GPHN: variants seen among roughly 807,000 people sequenced by gnomAD.
The protein encoded by GPHN is gephyrin.
In GPHN, 17 loss-of-function variants were observed where a neutral mutation model predicts 95.5. The observed-to-expected ratio is 0.18, with a 90% confidence interval of 0.12 to 0.27. GPHN has a LOEUF of 0.27. Ranked by LOEUF, GPHN falls within the 10% of genes least tolerant of loss-of-function variation. The pLI, the probability that GPHN is intolerant of heterozygous loss-of-function variation, is 1.00. For missense variants in GPHN, 660 were observed against 978.1 expected (o/e 0.67, Z 4.34); for synonymous variants, 320 against 322.5 (o/e 0.99, Z 0.08).
At chr14:66,979,270 A>G (rs1053088667) in intron 9 of GPHN, among the ~76,000 whole-genome samples, 3 of 152,210 alleles carry the variant, frequency 2.0e-5, no homozygotes, top group African/African-American at 4.8e-5. Context: ...CTCTCTAGCA[A>G]TGAAAGTCCT....
At chr14:66,914,194 T>A (rs1479311435) in intron 5 of GPHN, among the ~76,000 whole-genome samples, 1 of 152,156 alleles carries the variant, frequency 6.6e-6, no homozygotes, top group Non-Finnish European at 1.5e-5. Flanking sequence ...GCACTGCTAC[T>A]AAGGTGTCAA....
chr14:66,832,461 G>A (rs988116528), intron 4 of GPHN, among the ~76,000 whole-genome samples: 1 of 152,104 alleles, frequency 6.6e-6, no homozygotes, highest in Non-Finnish European at 1.5e-5. Context: ...AACATAATTG[G>A]TGGATATGTC....
chr14:66,843,235 A>T (rs1435864941), intron 4 of GPHN, among the ~76,000 whole-genome samples: 2 of 152,168 alleles, frequency 1.3e-5, no homozygotes, highest in African/African-American at 2.4e-5. Context: ...TGGTACTGCC[A>T]TATCCATCTG....
intron 8 of GPHN, among the ~76,000 whole-genome samples, chr14:66,958,454 G>T (rs1417187475): frequency 1.3e-5 from 2 of 152,126 alleles, no homozygotes; most frequent in Non-Finnish European, 2.9e-5. Context: ...GAAATGCATT[G>T]TTCAGTGATT....
chr14:67,248,349 T>G, the GPHN span, among the ~76,000 whole-genome samples: 1 of 152,038 alleles, frequency 6.6e-6, no homozygotes, highest in Middle Eastern at 3.4e-3. Flanking sequence ...ACAAGATCTC[T>G]TTTCTTAAAA....
intron 1 of GPHN, among the ~76,000 whole-genome samples, chr14:66,667,620 A>G (rs556626317): frequency 1.3e-5 from 2 of 152,276 alleles, no homozygotes; most frequent in South Asian, 4.1e-4. Context: ...TTGAAACTAG[A>G]CCCTTCCTGA....
In GPHN at chr14:66,620,202, C is replaced by CA. The variant is rs1348168603; in HGVS notation, c.65-60901dup. ...TGGTAATAAGTCCTGTGCCTCTACT[C>CA]AAAAGGCAGTATTGCTATGGCTGCA... On this transcript the variant is annotated intron_variant, in intron 1 of 22. Transcript: ENST00000478722. Among the ~76,000 whole-genome samples the CA allele has an allele frequency of 4.6e-5, 7 of 152,112 alleles. 1 individual carries two copies. The highest frequency in any genetic ancestry group is 8.8e-5 in the Non-Finnish European group (6 of 68,012).
At chr14:67,375,232 C>CTGTGTGTGTGTGTGTGTG in the GPHN span, among the ~76,000 whole-genome samples, 3 of 137,574 alleles carry the variant, frequency 2.2e-5, no homozygotes, top group African/African-American at 5.4e-5. Flanking sequence ...ATCCTCAGTT[C>CTGTGTGTGTGTGTGTGTG]TGTGTGTGTG....
chr14:66,570,474 T>C (rs6573684), intron 1 of GPHN, among the ~76,000 whole-genome samples: 47,160 of 151,664 alleles, frequency 0.31, 11,157 homozygotes, highest in African/African-American at 0.64. Context: ...CCAGCTAATT[T>C]TTTGTATTTT....
intron 1 of GPHN, among the ~76,000 whole-genome samples, chr14:66,579,423 A>G (rs2061055965): frequency 2.1e-5 from 3 of 143,514 alleles, no homozygotes. Context: ...TGAATGGATT[A>G]AAAAAAAAAA....
the GPHN span, among the ~76,000 whole-genome samples, chr14:67,435,643 G>A: frequency 6.6e-6 from 1 of 152,196 alleles, no homozygotes; most frequent in Admixed American, 6.5e-5. Context: ...AGCAATAACA[G>A]AGCACCTACA....
intron 8 of GPHN, among the ~76,000 whole-genome samples, chr14:66,938,801 A>C (rs1457677749): frequency 3.9e-5 from 6 of 152,216 alleles, no homozygotes. Flanking sequence ...GTAACCAATA[A>C]TATCAAAATG....
intron 3 of GPHN, among the ~76,000 whole-genome samples, chr14:66,809,697 G>C (rs988978774): frequency 4.6e-5 from 7 of 152,104 alleles, no homozygotes; most frequent in Admixed American, 1.3e-4. Flanking sequence ...TATTTGTTCA[G>C]TGTTAATGAT....
the GPHN span, among the ~76,000 whole-genome samples, chr14:67,259,204 CAT>C: frequency 0.049 from 7,416 of 151,940 alleles, 199 homozygotes; most frequent in East Asian, 0.057. Context: ...GTATATATAA[CAT>C]ATACACATGC....
At chr14:66,511,087 G>A (rs943523353) in intron 1 of GPHN, among the ~76,000 whole-genome samples, 3 of 152,158 alleles carry the variant, frequency 2.0e-5, no homozygotes, top group Non-Finnish European at 4.4e-5. Flanking sequence ...TACAGATATT[G>A]TCTACTATGA....
At chr14:66,826,764 G>A (rs944601401) in intron 4 of GPHN, among the ~76,000 whole-genome samples, 4 of 152,038 alleles carry the variant, frequency 2.6e-5, no homozygotes, top group East Asian at 1.9e-4. Flanking sequence ...AGTATTTAGC[G>A]CCCCTCCGGC....
chr14:67,412,014 T>C, the GPHN span: 1 of 1,551,730 alleles, frequency 6.4e-7, no homozygotes. Flanking sequence ...CGACGCGCAC[T>C]CACCCTCTTG....
At chr14:67,170,571 C>G (rs1408469306) in intron 21 of GPHN, among the ~76,000 whole-genome samples, 1 of 152,176 alleles carries the variant, frequency 6.6e-6, no homozygotes, top group Non-Finnish European at 1.5e-5. Context: ...ACATAGCAGC[C>G]ATCTATTCTG....
At chr14:67,424,057 G>C in the GPHN span, among the ~76,000 whole-genome samples, 5 of 151,590 alleles carry the variant, frequency 3.3e-5, no homozygotes, top group African/African-American at 4.9e-5. Context: ...GACCAACATG[G>C]AGAAACCCCA....
Sources: gnomAD v4.1 joint callset for allele counts (sites outside exome capture counted in the v4.1 genomes callset) on GRCh38, gnomAD v4.1.1 for gene constraint, MANE v1.5 for transcripts, NCBI Gene and HGNC (gene_info 2026-07-23, HGNC 2026-07-21) for gene names.